Variants in SLC38A8 observed in about 807,000 individuals in gnomAD.
SLC38A8 encodes amino acid transporter SLC38A8.
Under a neutral mutation model 46.0 loss-of-function variants are expected in SLC38A8, and 65 were observed. That is an observed-to-expected ratio of 1.41 (90% CI 1.16 to 1.74). The LOEUF is 1.74. SLC38A8 is among the 40% of genes most tolerant of loss of function. The probability of loss-of-function intolerance (pLI) is 0.00; values close to 1 mark genes in which losing one functional copy is unlikely to be tolerated. For synonymous variants in SLC38A8, 447 were observed against 243.7 expected, an observed-to-expected ratio of 1.83 and a Z score of -7.77; for missense variants, 998 against 567.9, an observed-to-expected ratio of 1.76 and a Z score of -7.70.
At chr16:84,009,938 A>G (rs983356444) in intron 10 of SLC38A8, 61 bp from the exon 11 acceptor site, 2 of 1,474,466 alleles carry the variant, frequency 1.4e-6, no homozygotes, top group Admixed American at 1.9e-5. Flanking sequence ...TAAGCCACAC[A>G]CACATAAAAA....
chr16:84,038,306 C>T (rs1011443986), intron 2 of SLC38A8, among the ~76,000 whole-genome samples: 7 of 149,872 alleles, frequency 4.7e-5, no homozygotes, highest in African/African-American at 1.7e-4. Context: ...GCGAGACTCC[C>T]TCTCAAAAAA....
At chr16:84,041,836 G>A (rs1404273422) in intron 2 of SLC38A8, 133 bp downstream of exon 2, 12 of 791,922 alleles carry the variant, frequency 1.5e-5, no homozygotes, top group South Asian at 5.7e-5. Context: ...TTAGCTGAGC[G>A]GGATAGAAAA....
chr16:84,026,690 A>C (rs1201593418), intron 6 of SLC38A8, among the ~76,000 whole-genome samples: 3 of 152,244 alleles, frequency 2.0e-5, no homozygotes, highest in African/African-American at 7.2e-5. Flanking sequence ...ACAGGGGATA[A>C]AGCGCAGCTT....
chr16:84,025,613 C>G (rs908407822), intron 6 of SLC38A8, among the ~76,000 whole-genome samples: 2 of 152,160 alleles, frequency 1.3e-5, no homozygotes, highest in Non-Finnish European at 2.9e-5. Context: ...ACCCACCTAC[C>G]CATCCCGTGA....
chr16:84,025,689 G>C (rs370345743), intron 6 of SLC38A8, among the ~76,000 whole-genome samples: 1 of 152,104 alleles, frequency 6.6e-6, no homozygotes, highest in Non-Finnish European at 1.5e-5. Context: ...AGTCCTCCTC[G>C]GTGCAAGTGA....
chr16:84,023,227 A>G (rs979002497), intron 6 of SLC38A8, among the ~76,000 whole-genome samples: 4 of 151,934 alleles, frequency 2.6e-5, no homozygotes, highest in Admixed American at 6.6e-5. Context: ...TGCCCACCTT[A>G]TCTAAAAAAA....
At chr16:84,042,498 T>A in intron 1 of SLC38A8, 53 bp downstream of exon 1, 1 of 190,914 alleles carries the variant, frequency 5.2e-6, no homozygotes. Flanking sequence ...ATCCACTCCC[T>A]TTGCTTCCAG....
chr16:84,035,478 T>C (rs999597427), intron 3 of SLC38A8, among the ~76,000 whole-genome samples: 21 of 152,088 alleles, frequency 1.4e-4, no homozygotes, highest in Non-Finnish European at 1.5e-5. Context: ...AACATTCCAA[T>C]CGGAAGTCTG....
intron 6 of SLC38A8, among the ~76,000 whole-genome samples, chr16:84,029,148 C>T (rs2085205667): frequency 6.6e-6 from 1 of 152,082 alleles, no homozygotes; most frequent in African/African-American, 2.4e-5. Context: ...CTCCAGGCCT[C>T]AGGTCTGACT....
intron 7 of SLC38A8, among the ~76,000 whole-genome samples, chr16:84,022,540 A>G (rs2085106974): frequency 6.6e-6 from 1 of 152,220 alleles, no homozygotes; most frequent in South Asian, 2.1e-4. Context: ...TTCAGGTCTC[A>G]GCTTTGCAGA....
chr16:84,017,007 C>G, intron 8 of SLC38A8, 133 bp downstream of exon 8: 1 of 1,284,324 alleles, frequency 7.8e-7, no homozygotes, highest in Non-Finnish European at 1.1e-6. Flanking sequence ...ATCCTCTGTG[C>G]CTGTTTCCTC....
At chr16:84,039,054 T>G (rs994911670) in intron 2 of SLC38A8, among the ~76,000 whole-genome samples, 2 of 152,154 alleles carry the variant, frequency 1.3e-5, no homozygotes, top group African/African-American at 4.8e-5. Context: ...TTGGATCTGG[T>G]GGGCCCTCAA....
At chr16:84,024,695 C>G (rs565092285) in intron 6 of SLC38A8, among the ~76,000 whole-genome samples, 1 of 152,076 alleles carries the variant, frequency 6.6e-6, no homozygotes, top group Non-Finnish European at 1.5e-5. Flanking sequence ...GCAGGAGAGT[C>G]GCTCAAGCCT....
At chr16:84,037,526 C>G (rs1478824972) in intron 2 of SLC38A8, among the ~76,000 whole-genome samples, 1 of 152,122 alleles carries the variant, frequency 6.6e-6, no homozygotes, top group African/African-American at 2.4e-5. Flanking sequence ...TTCTGGAGAC[C>G]GAGGTAGGCG....
At chr16:84,021,481 T>C (rs1056860147) in intron 7 of SLC38A8, among the ~76,000 whole-genome samples, 4 of 152,216 alleles carry the variant, frequency 2.6e-5, no homozygotes, top group Non-Finnish European at 5.9e-5. Flanking sequence ...CAAAACCTTG[T>C]TCCTCAGTTC....
At position 84,024,815 on chromosome 16, in the gene SLC38A8, G is replaced by A. The variant is rs149286849; in HGVS notation, c.691-1926C>T. Reference sequence around the variant, plus strand: ...AGCGACTCTCCTGCCTCAGCCTTCCGAGTAGCTGGGATTACAGGCACGCCC... The same window carrying A: ...AGCGACTCTCCTGCCTCAGCCTTCCAAGTAGCTGGGATTACAGGCACGCCC... On this transcript the variant is annotated intron_variant, in intron 6 of 10. Transcript: ENST00000299709. Among the ~76,000 whole-genome samples the A allele has an allele frequency of 3.2e-3, 488 of 152,176 alleles. 8 individuals are homozygous for A. The East Asian group carries it at 0.035, about 11-fold the overall frequency.
At chr16:84,013,308 T>G (rs75626290) in intron 9 of SLC38A8, among the ~76,000 whole-genome samples, 2 of 151,748 alleles carry the variant, frequency 1.3e-5, no homozygotes, top group Non-Finnish European at 2.9e-5. Context: ...TCAGGCAACC[T>G]TGACAACATG....
chr16:84,022,654 T>C (rs910353890), intron 7 of SLC38A8, 121 bp downstream of exon 7: 5 of 726,702 alleles, frequency 6.9e-6, no homozygotes, highest in East Asian at 2.9e-5. Context: ...TTAAATAAGA[T>C]GCTCAAAACA....
chr16:84,026,684 G>A (rs1462934176), intron 6 of SLC38A8, among the ~76,000 whole-genome samples: 4 of 152,188 alleles, frequency 2.6e-5, no homozygotes, highest in Non-Finnish European at 4.4e-5. Context: ...CAAAGGACAG[G>A]GGATAAAGCG....
Sources: allele counts gnomAD v4.1 joint callset (sites outside exome capture counted in the v4.1 genomes callset), GRCh38; gene constraint gnomAD v4.1.1; transcripts MANE v1.5; gene names NCBI Gene and HGNC (gene_info 2026-07-23, HGNC 2026-07-21).